Variants in SMG7 observed in about 807,000 individuals in gnomAD.
SMG7 encodes the protein nonsense-mediated mRNA decay factor SMG7.
SMG7 carries 34 observed loss-of-function variants against 148.2 expected under a neutral mutation model. The observed-to-expected ratio is 0.23, with a 90% confidence interval of 0.17 to 0.31. The LOEUF is 0.31. Among genes scored for constraint, SMG7 ranks in the 10% least tolerant of loss-of-function variants. The pLI is 1.00. For missense variants in SMG7, 1,114 were observed against 1,408.4 expected (o/e 0.79, Z 3.35); for synonymous variants, 492 against 515.1 (o/e 0.96, Z 0.61).
rs151019769 is a variant in SMG7, at chr1:183,473,130, CAG to C, written c.29+482_29+483del. 5.1e-3 allele frequency: 857 copies of C among 168,426 alleles called. 9 individuals carry two copies. Among genetic ancestry groups the C allele is most frequent in the African/African-American group, 0.019 (809 of 41,880 alleles). 10.4% of individuals were successfully genotyped at this position (168,426 alleles called of 1,614,324 possible). ...GGGCGGGGGAACCGCGGAGGGCAGA[CAG>C]GGGGAGAGGGAGACCGCAGGAAACT... is the stretch of plus-strand genomic sequence containing the variant. On this transcript the variant is annotated intron_variant, in intron 1 of 22. Transcript: ENST00000688051.
chr1:183,482,245 T>C (rs1213776505), intron 1 of SMG7, among the ~76,000 whole-genome samples: 1 of 152,026 alleles, frequency 6.6e-6, no homozygotes, highest in African/African-American at 2.4e-5. Context: ...GTCTAAGGTT[T>C]TTTTCAGTGA....
At position 183,546,312 on chromosome 1, in the gene SMG7, A is replaced by C; in HGVS notation, c.2717A>C (p.Asp906Ala). ...RSPGVFRPEQ[D>A]PVPRMPFEDP... Reference sequence around the variant, plus strand: ...CCAGGAGTCTTCCGTCCAGAGCAGGATCCTGTACCCAGAATGCCGTTTGAG... The same window carrying C: ...CCAGGAGTCTTCCGTCCAGAGCAGGCTCCTGTACCCAGAATGCCGTTTGAG... The change falls in exon 17 of 23, where the codon GAT (aspartate) becomes GCT (alanine). Residue 906 changes from aspartate (D) to alanine (A), a missense_variant. Asp to Ala is a moderately radical substitution (Grantham distance 126, BLOSUM62 -2). Around this residue, in one of 4 missense-constraint regions of SMG7, gnomAD observed 788 missense variants for 894.5 expected, o/e 0.88. Transcript: ENST00000688051. The C allele has an allele frequency of 6.2e-7, 1 of 1,612,910 alleles. No homozygotes were observed. The highest frequency in any genetic ancestry group is 2.2e-5 in the East Asian group (1 of 44,850).
intron 4 of SMG7, among the ~76,000 whole-genome samples, chr1:183,524,985 C>A (rs1558021812): frequency 1.3e-5 from 2 of 152,038 alleles, no homozygotes; most frequent in Admixed American, 6.5e-5. Flanking sequence ...AACATATTTT[C>A]TTACTTGTCT....
intron 4 of SMG7, among the ~76,000 whole-genome samples, chr1:183,520,379 A>G (rs372443845): frequency 3.9e-5 from 6 of 152,138 alleles, no homozygotes; most frequent in East Asian, 1.9e-4. Context: ...TTTTTTTTCA[A>G]TCACTGCTTT....
At chr1:183,530,454 T>C (rs1435615794) in intron 8 of SMG7, among the ~76,000 whole-genome samples, 1 of 152,166 alleles carries the variant, frequency 6.6e-6, no homozygotes, top group Non-Finnish European at 1.5e-5. Flanking sequence ...AGCAATAGTT[T>C]GTTTTGTTTT....
intron 1 of SMG7, chr1:183,473,647 C>T: frequency 7.4e-6 from 5 of 677,986 alleles, no homozygotes; most frequent in Non-Finnish European, 9.1e-6. Flanking sequence ...GTTGTTAGAT[C>T]CTGAAATTAA....
At chr1:183,488,110 T>C (rs940823928) in intron 1 of SMG7, among the ~76,000 whole-genome samples, 1 of 152,208 alleles carries the variant, frequency 6.6e-6, no homozygotes, top group African/African-American at 2.4e-5. Flanking sequence ...GCCAGCTCTG[T>C]TATGTGAAGG....
chr1:183,549,470 A>G (rs1670580207), intron 19 of SMG7, among the ~76,000 whole-genome samples, 182 bp downstream of exon 19: 1 of 152,222 alleles, frequency 6.6e-6, no homozygotes, highest in Non-Finnish European at 1.5e-5. Context: ...ATCATGAATT[A>G]AAACCCTTTA....
At chr1:183,530,216 A>G (rs2102612418) in intron 8 of SMG7, among the ~76,000 whole-genome samples, 1 of 152,234 alleles carries the variant, frequency 6.6e-6, no homozygotes, top group South Asian at 2.1e-4. Context: ...AGAACATTTT[A>G]TATTTCTTGG....
intron 1 of SMG7, among the ~76,000 whole-genome samples, chr1:183,511,458 G>C (rs1330338544): frequency 6.6e-6 from 1 of 152,152 alleles, no homozygotes; most frequent in Non-Finnish European, 1.5e-5. Flanking sequence ...AAGAGGTGTT[G>C]CTAGCAGAGT....
intron 3 of SMG7, 55 bp downstream of exon 3, chr1:183,516,046 ACT>A: frequency 9.4e-7 from 1 of 1,059,970 alleles, no homozygotes; most frequent in Non-Finnish European, 1.4e-6. Flanking sequence ...TTTCACCGAG[ACT>A]TTAAAACAGT....
intron 1 of SMG7, among the ~76,000 whole-genome samples, chr1:183,497,062 A>G (rs1463284527): frequency 2.0e-5 from 3 of 152,162 alleles, no homozygotes; most frequent in East Asian, 1.9e-4. Context: ...CTCCCAAATG[A>G]TATCTGTACT....
intron 1 of SMG7, among the ~76,000 whole-genome samples, chr1:183,494,772 T>C: frequency 7.7e-6 from 1 of 129,494 alleles, no homozygotes; most frequent in East Asian, 2.1e-4. Context: ...TTTTTTTTTT[T>C]TTTTTTTTTT....
At position 183,515,941 on chromosome 1, in the gene SMG7, G is replaced by A. The variant is rs1448846306; in HGVS notation, c.129G>A (p.Met43Ile). 6.8e-6 allele frequency: 11 copies of A among 1,613,482 alleles called. No homozygotes were observed. Among genetic ancestry groups the A allele is most frequent in the Non-Finnish European group, 9.3e-6 (11 of 1,179,594 alleles). Residue 43 changes from methionine (M) to isoleucine (I), a missense_variant, in exon 3 of 23, where the codon ATG (methionine) becomes ATA (isoleucine). Met to Ile is a conservative substitution (Grantham distance 10). This residue lies in a region of SMG7 where 216 missense variants were observed against 329.1 expected (regional missense o/e 0.66). Transcript: ENST00000688051. The part of the protein sequence containing the change: ...RQALQDLYQK[M>I]LVTDLEYALD... ...CTCTGCAGGACCTGTACCAGAAAAT[G>A]CTAGTTACCGATTTGGAATACGCTT... is the stretch of plus-strand genomic sequence containing the variant.
At chr1:183,522,669 A>G (rs1665004958) in intron 4 of SMG7, among the ~76,000 whole-genome samples, 1 of 152,176 alleles carries the variant, frequency 6.6e-6, no homozygotes, top group Admixed American at 6.5e-5. Context: ...TATTGATGAA[A>G]TGTAACTTCA....
chr1:183,514,509 G>T (rs1663018423), intron 2 of SMG7, among the ~76,000 whole-genome samples: 1 of 152,140 alleles, frequency 6.6e-6, no homozygotes, highest in South Asian at 2.1e-4. Context: ...CTCTTGAATT[G>T]GCATTGAAAA....
rs775123541 is a variant in SMG7 at position 183,546,258 on chromosome 1, C to T, written c.2663C>T (p.Ala888Val). ...ADNRSVMAQQ[A>V]NIDRRGKRSP... ...AACAGATCTGTAATGGCACAGCAAG[C>T]AAACATAGACCGCAGGGGCAAACGG... Residue 888 changes from alanine to valine, a missense_variant, in exon 17 of 23, where the codon GCA becomes GTA. Transcript: ENST00000688051. The T allele has an allele frequency of 6.8e-6, 11 of 1,613,912 alleles. No individual in the cohort carries two copies. Among genetic ancestry groups the T allele is most frequent in the African/African-American group, 2.7e-5 (2 of 74,910 alleles).
At chr1:183,484,170 C>T (rs898686775) in intron 1 of SMG7, among the ~76,000 whole-genome samples, 3 of 151,908 alleles carry the variant, frequency 2.0e-5, no homozygotes, top group African/African-American at 7.3e-5. Flanking sequence ...GTTCCAGGAC[C>T]CCCACAATAC....
intron 1 of SMG7, among the ~76,000 whole-genome samples, chr1:183,479,878 A>G (rs893741651): frequency 6.6e-6 from 1 of 152,170 alleles, no homozygotes; most frequent in African/African-American, 2.4e-5. Context: ...ATAAGTGGAT[A>G]TTGGGCAAAT....
Sources: gnomAD v4.1 joint callset for allele counts (sites outside exome capture counted in the v4.1 genomes callset) on GRCh38, gnomAD v4.1.1 for gene constraint, gnomAD v4.1.1 regional missense constraint, MANE v1.5 for transcripts, NCBI Gene and HGNC (gene_info 2026-07-23, HGNC 2026-07-21) for gene names.